Variants in GRM4 observed in about 807,000 individuals in gnomAD.
GRM4 encodes the protein metabotropic glutamate receptor 4.
GRM4 carries 28 observed loss-of-function variants against 81.7 expected under a neutral mutation model. The observed-to-expected ratio is 0.34, with a 90% CI of 0.25 to 0.47. The LOEUF is 0.47. GRM4 is among the 20% of genes least tolerant of loss of function. The pLI is 1.00. For missense variants in GRM4, 948 were observed against 1,290.0 expected, an observed-to-expected ratio of 0.73 and a Z score of 4.06; for synonymous variants, 488 against 528.8, an observed-to-expected ratio of 0.92 and a Z score of 1.06.
rs976439391 is a variant in GRM4 at position 34,069,299 on chromosome 6, G to A, written c.737-7271C>T. Among the ~76,000 whole-genome samples, 1 of 152,142 alleles carries A rather than the reference G, an allele frequency of 6.6e-6. No individual in the cohort carries two copies. The highest frequency in any genetic ancestry group is 2.4e-5 in the African/African-American group (1 of 41,412). On this transcript the variant is annotated intron_variant, in intron 3 of 10. Transcript: ENST00000538487. This position sits in a 1 kb window ranked among gnomAD's most constrained non-coding sequence, Gnocchi z 6.4. The stretch of plus-strand genomic sequence containing the variant: ...GGGGACCAGAAATAGCTGCTCAGAG[G>A]GCTTGGTGACTGGTGACTGCTACTT...
chr6:34,119,529 A>T (rs1436508742), intron 2 of GRM4, among the ~76,000 whole-genome samples: 1 of 152,232 alleles, frequency 6.6e-6, no homozygotes, highest in Non-Finnish European at 1.5e-5. Flanking sequence ...CCACGGCACC[A>T]GCCCTGCCCC....
At chr6:34,065,706 C>T (rs369559391) in intron 3 of GRM4, among the ~76,000 whole-genome samples, 27 of 152,188 alleles carry the variant, frequency 1.8e-4, no homozygotes, top group African/African-American at 2.4e-5. Context: ...TGCGTCTGCT[C>T]GCCGGCCAGG....
At chr6:34,067,223 A>G (rs1047808121) in intron 3 of GRM4, among the ~76,000 whole-genome samples, 3 of 151,966 alleles carry the variant, frequency 2.0e-5, no homozygotes, top group Admixed American at 1.3e-4. Flanking sequence ...CGTCCTTTCC[A>G]TCTGTGGTCT....
At chr6:34,091,786 C>A in intron 3 of GRM4, 97 bp downstream of exon 3, 1 of 871,800 alleles carries the variant, frequency 1.1e-6, no homozygotes, top group Admixed American at 2.0e-5. Context: ...CAGTCAGAGC[C>A]TGTATCAGGC....
chr6:34,053,938 G>GGGTGGC (rs1765734385), intron 6 of GRM4, among the ~76,000 whole-genome samples: 2 of 152,314 alleles, frequency 1.3e-5, no homozygotes, highest in African/African-American at 4.8e-5. Context: ...GTTGGTCTGG[G>GGGTGGC]GGTGGCGCCC....
rs186667172 is a variant in GRM4 at position 34,129,076 on chromosome 6, G to A, written c.519+3902C>T. 1.6e-4 allele frequency among the ~76,000 whole-genome samples: 24 copies of A among 151,356 alleles called. 1 individual carries two copies. In the East Asian group the frequency reaches 4.7e-3, roughly 30 times the overall value. On this transcript the variant is annotated intron_variant, in intron 2 of 10. Coordinates refer to ENST00000538487, the MANE Select transcript of GRM4 (RefSeq NM_000841.4). ...GTCACCCAGGCTGGAGTGCAGTGGT[G>A]CGATCTCGGCTCACTGCAACCTCTG...
intron 2 of GRM4, among the ~76,000 whole-genome samples, chr6:34,120,278 C>T (rs1395414906): frequency 2.6e-5 from 4 of 152,042 alleles, no homozygotes; most frequent in Admixed American, 6.5e-5. Context: ...CACGAGGCCT[C>T]AGCACAGGGC....
chr6:34,036,592 C>A lies in GRM4; in HGVS notation c.1518G>T (p.Met506Ile). The A allele has an allele frequency of 6.4e-7, 1 of 1,566,236 alleles. No homozygotes were observed. ...TDHLHLRIER[M>I]HWPGSGQQLP... Reference sequence around the variant, plus strand: ...GCTGCTGCCCGCTCCCCGGCCAGTGCATCCGCTCTATCTGGCAATGACAGC... The same window carrying A: ...GCTGCTGCCCGCTCCCCGGCCAGTGAATCCGCTCTATCTGGCAATGACAGC... Residue 506 changes from methionine (M) to isoleucine (I), a missense_variant, in exon 9 of 11, where the codon ATG (methionine) becomes ATT (isoleucine). Physicochemically the swap from Met to Ile is conservative, Grantham distance 10. Transcript: ENST00000538487. The surrounding 1 kb of genome is among the most constrained non-coding windows in gnomAD (Gnocchi z 9.0).
chr6:34,142,794 G>A (rs888231983), intron 1 of GRM4, among the ~76,000 whole-genome samples: 15 of 152,206 alleles, frequency 9.9e-5, no homozygotes, highest in Admixed American at 2.6e-4. Flanking sequence ...GAATGAAGCC[G>A]CCCAGACGCA....
intron 2 of GRM4, among the ~76,000 whole-genome samples, chr6:34,109,174 G>A (rs1769260946): frequency 6.6e-6 from 1 of 152,178 alleles, no homozygotes; most frequent in Non-Finnish European, 1.5e-5. Flanking sequence ...AGAGCCACCA[G>A]CACATCTGGG....
chr6:34,061,654 C>T, intron 4 of GRM4: 1 of 443,060 alleles, frequency 2.3e-6, no homozygotes, highest in Non-Finnish European at 4.1e-6. Flanking sequence ...AGGTAGCCAT[C>T]CCTAGCAGGT....
At chr6:34,057,779 A>G (rs908604160) in intron 5 of GRM4, among the ~76,000 whole-genome samples, 1 of 152,196 alleles carries the variant, frequency 6.6e-6, no homozygotes, top group Non-Finnish European at 1.5e-5. Flanking sequence ...TGTGTGTCTC[A>G]AGCTCTCTGA....
chr6:34,028,721 C>T (rs993500834), intron 9 of GRM4, among the ~76,000 whole-genome samples: 1 of 152,160 alleles, frequency 6.6e-6, no homozygotes, highest in African/African-American at 2.4e-5. Flanking sequence ...TTCAGGTTAC[C>T]GCTGTTATTT....
intron 6 of GRM4, among the ~76,000 whole-genome samples, chr6:34,045,046 C>T (rs956399137): frequency 6.6e-6 from 1 of 152,110 alleles, no homozygotes; most frequent in African/African-American, 2.4e-5. Flanking sequence ...CCACACCACA[C>T]ACACTCCTCA....
rs530653820 is a variant in GRM4, at chr6:34,068,528, C to G, written c.737-6500G>C. On this transcript the variant is annotated intron_variant, in intron 3 of 10. Coordinates refer to ENST00000538487, the MANE Select transcript of GRM4 (RefSeq NM_000841.4). This position sits in a 1 kb window ranked among gnomAD's most constrained non-coding sequence, Gnocchi z 4.2. ...CCCCATCCTCCCTGGCATGGCTCTC[C>G]CCACCCCACCTGTCTCAAAAAGTCC... Among the ~76,000 whole-genome samples the G allele has an allele frequency of 1.3e-3, 193 of 152,190 alleles. No individual in the cohort carries two copies. The highest frequency in any genetic ancestry group is 4.4e-3 in the African/African-American group (184 of 41,512).
rs1767404421 is a variant in GRM4, at chr6:34,078,008, G to A, written c.736+13875C>T. On this transcript the variant is annotated intron_variant, in intron 3 of 10. Transcript: ENST00000538487. This position sits in a 1 kb window ranked among gnomAD's most constrained non-coding sequence, Gnocchi z 4.8. ...CAGGCACAGAGCAGTCACTGTCACT[G>A]ACTCAGCAACCTCCAGTGCCAGGAG... Among the ~76,000 whole-genome samples, 1 of 152,140 alleles carries A rather than the reference G, an allele frequency of 6.6e-6. No homozygotes were observed. The highest frequency in any genetic ancestry group is 2.4e-5 in the African/African-American group (1 of 41,420).
chr6:34,082,125 C>T (rs9380402), intron 3 of GRM4, among the ~76,000 whole-genome samples: 5 of 18,168 alleles, frequency 2.8e-4, no homozygotes, highest in Non-Finnish European at 6.0e-4. Flanking sequence ...TGGGAGCCTG[C>T]GGGACAGATC....
chr6:34,061,606 C>T (rs1766180863), intron 4 of GRM4: 3 of 347,336 alleles, frequency 8.6e-6, no homozygotes, highest in Admixed American at 4.2e-5. Flanking sequence ...AGTGGTCCGG[C>T]CCCAAGCTCA....
chr6:34,051,814 G>C (rs757183325), intron 6 of GRM4, among the ~76,000 whole-genome samples: 15 of 152,168 alleles, frequency 9.9e-5, no homozygotes, highest in Non-Finnish European at 1.8e-4. Context: ...GTAGCACTCT[G>C]CTGGGGATGG....
Sources: gnomAD v4.1 joint callset for allele counts (sites outside exome capture counted in the v4.1 genomes callset) on GRCh38, gnomAD v4.1.1 for gene constraint, Gnocchi (gnomAD v3.1) non-coding constraint, MANE v1.5 for transcripts, NCBI Gene and HGNC (gene_info 2026-07-23, HGNC 2026-07-21) for gene names.